NRG3: variants seen among roughly 807,000 people sequenced by gnomAD.
The protein encoded by NRG3 is pro-neuregulin-3, membrane-bound isoform.
A neutral mutation model predicts 66.9 loss-of-function variants in NRG3; 31 were observed. That is an observed-to-expected ratio of 0.46 (90% CI 0.35 to 0.63). The LOEUF is 0.63. Ranked by LOEUF, NRG3 falls within the 20% of genes least tolerant of loss-of-function variation. The pLI is 0.00. For missense variants in NRG3, 910 were observed against 878.9 expected, an observed-to-expected ratio of 1.04 and a Z score of -0.45; for synonymous variants, 393 against 359.4, an observed-to-expected ratio of 1.09 and a Z score of -1.06.
At chr10:82,860,199 C>T (rs181440738) in intron 3 of NRG3, among the ~76,000 whole-genome samples, 1 of 152,286 alleles carries the variant, frequency 6.6e-6, no homozygotes, top group East Asian at 1.9e-4. Flanking sequence ...TTGGTCTCCT[C>T]GGAGACAGAT....
At chr10:82,221,437 C>T (rs2075939942) in intron 1 of NRG3, among the ~76,000 whole-genome samples, 1 of 152,148 alleles carries the variant, frequency 6.6e-6, no homozygotes, top group Admixed American at 6.5e-5. Context: ...GCTTTTTGAT[C>T]CTAGTGCCCA....
intron 1 of NRG3, among the ~76,000 whole-genome samples, chr10:81,932,040 G>A (rs922052788): frequency 1.3e-5 from 2 of 152,122 alleles, no homozygotes; most frequent in Non-Finnish European, 2.9e-5. Flanking sequence ...TAGTTCTGCA[G>A]GTTTTATAGA....
At chr10:82,189,452 T>G (rs889684006) in intron 1 of NRG3, among the ~76,000 whole-genome samples, 1 of 150,870 alleles carries the variant, frequency 6.6e-6, no homozygotes, top group Non-Finnish European at 1.5e-5. Context: ...AGCCCAGGAG[T>G]GCAAACCAGC....
intron 4 of NRG3, 127 bp from the exon 5 acceptor site, chr10:82,951,342 C>T (rs1849496729): frequency 6.3e-6 from 4 of 631,708 alleles, no homozygotes; most frequent in South Asian, 2.0e-5. Context: ...TTGTTTTTTC[C>T]CTATTTATGA....
chr10:82,018,286 T>C (rs1479205895), intron 1 of NRG3, among the ~76,000 whole-genome samples: 1 of 152,162 alleles, frequency 6.6e-6, no homozygotes, highest in Non-Finnish European at 1.5e-5. Context: ...TCTGTTCCAT[T>C]GGTCTACATC....
At chr10:82,243,066 A>C (rs1274838418) in intron 1 of NRG3, among the ~76,000 whole-genome samples, 1 of 152,194 alleles carries the variant, frequency 6.6e-6, no homozygotes, top group African/African-American at 2.4e-5. Flanking sequence ...CCTTCCATAA[A>C]ATTTTATTGT....
intron 3 of NRG3, among the ~76,000 whole-genome samples, chr10:82,800,134 G>A (rs1319022302): frequency 6.6e-6 from 1 of 151,802 alleles, no homozygotes; most frequent in Non-Finnish European, 1.5e-5. Flanking sequence ...CTTATTTCTC[G>A]GTTTTCTGTC....
chr10:81,914,783 AAAAAAAG>A (rs1339924575), intron 1 of NRG3, among the ~76,000 whole-genome samples: 1 of 151,426 alleles, frequency 6.6e-6, no homozygotes, highest in Non-Finnish European at 1.5e-5. Context: ...AAAAAAAAAA[AAAAAAAG>A]AAAGACATGA....
intron 2 of NRG3, among the ~76,000 whole-genome samples, chr10:82,632,827 C>T (rs1224712616): frequency 6.6e-6 from 1 of 152,164 alleles, no homozygotes; most frequent in Non-Finnish European, 1.5e-5. Flanking sequence ...ATTTAATACC[C>T]CATTAACTCA....
At chr10:82,230,042 G>A (rs1173972235) in intron 1 of NRG3, 1 of 152,178 alleles carries the variant, frequency 6.6e-6, no homozygotes, top group Non-Finnish European at 1.5e-5. Context: ...TGGTGTGCCT[G>A]AAAAGGAGAA....
intron 1 of NRG3, among the ~76,000 whole-genome samples, chr10:82,299,210 G>T (rs2080249692): frequency 6.6e-6 from 1 of 152,116 alleles, no homozygotes; most frequent in Non-Finnish European, 1.5e-5. Flanking sequence ...ATGACAAGAG[G>T]GCTGATGTTC....
intron 3 of NRG3, among the ~76,000 whole-genome samples, chr10:82,845,946 T>C: frequency 6.6e-6 from 1 of 152,184 alleles, no homozygotes; most frequent in East Asian, 1.9e-4. Context: ...TTATTAAACA[T>C]ACAGCTCATA....
At chr10:82,687,419 C>T (rs753182457) in intron 2 of NRG3, among the ~76,000 whole-genome samples, 2 of 152,090 alleles carry the variant, frequency 1.3e-5, no homozygotes, top group Non-Finnish European at 2.9e-5. Context: ...TAGGTCAAAT[C>T]GTTTTAGTAC....
In NRG3 at chr10:82,629,252, C is replaced by A. The variant is rs11195358; in HGVS notation, c.954-109325C>A. Among the ~76,000 whole-genome samples the A allele has an allele frequency of 2.6e-3, 393 of 152,246 alleles. 17 individuals are homozygous for A. In the East Asian group the frequency reaches 0.067, roughly 26 times the overall value. On this transcript the variant is annotated intron_variant, in intron 2 of 8. Transcript: ENST00000372141. ...GGACTATGAAAAATGAAAATGTCTACCATTCTCCCTGAAGTCCATTAAGGG... is the reference window on the plus strand; with the variant it reads ...GGACTATGAAAAATGAAAATGTCTAACATTCTCCCTGAAGTCCATTAAGGG...
At chr10:81,909,376 G>T (rs1844903955) in intron 1 of NRG3, among the ~76,000 whole-genome samples, 1 of 152,120 alleles carries the variant, frequency 6.6e-6, no homozygotes, top group South Asian at 2.1e-4. Context: ...AATTCTTGGG[G>T]GGATGTTGTT....
At chr10:82,736,383 G>T (rs1225740555) in intron 2 of NRG3, among the ~76,000 whole-genome samples, 1 of 152,194 alleles carries the variant, frequency 6.6e-6, no homozygotes, top group Non-Finnish European at 1.5e-5. Flanking sequence ...GGTGACATAT[G>T]TGTGATTTTT....
intron 1 of NRG3, among the ~76,000 whole-genome samples, chr10:81,923,307 G>A (rs1846436135): frequency 6.6e-6 from 1 of 152,068 alleles, no homozygotes. Flanking sequence ...CCGGGTTCAC[G>A]CCATTCTCCT....
At chr10:82,537,152 G>A (rs1167165196) in intron 2 of NRG3, among the ~76,000 whole-genome samples, 3 of 151,834 alleles carry the variant, frequency 2.0e-5, no homozygotes, top group African/African-American at 7.2e-5. Flanking sequence ...GAATCTAGAC[G>A]TGGTCTGTAA....
At chr10:82,250,856 A>G (rs956671883) in intron 1 of NRG3, among the ~76,000 whole-genome samples, 5 of 152,190 alleles carry the variant, frequency 3.3e-5, no homozygotes, top group African/African-American at 4.8e-5. Flanking sequence ...ATGCTGTATT[A>G]AAAGAGGTAA....
Sources: gnomAD v4.1 joint callset for allele counts (sites outside exome capture counted in the v4.1 genomes callset) on GRCh38, gnomAD v4.1.1 for gene constraint, MANE v1.5 for transcripts, NCBI Gene and HGNC (gene_info 2026-07-23, HGNC 2026-07-21) for gene names.